Variants in IGLON5 observed in about 807,000 individuals in gnomAD.
IGLON5 encodes IgLON family member 5.
A neutral mutation model predicts 38.2 loss-of-function variants in IGLON5; 16 were observed. That is an observed-to-expected ratio of 0.42 (90% confidence interval 0.28 to 0.64). IGLON5 has a LOEUF of 0.64. Ranked by LOEUF, IGLON5 falls within the 30% of genes least tolerant of loss-of-function variation. IGLON5 has a pLI of 0.23. For missense variants in IGLON5, 366 were observed against 483.4 expected, an observed-to-expected ratio of 0.76 and a Z score of 2.28; for synonymous variants, 207 against 216.4, an observed-to-expected ratio of 0.96 and a Z score of 0.38.
In IGLON5 at chr19:51,327,087, G is replaced by T. The variant is rs766476387; in HGVS notation, c.654G>T (p.Pro218=). ...ACCCTTGCCCCTCGCCAGATCCTCC[G>T]ACCATCACGGACGTGACCAGCGCCC... ...RRVLVTVNYP[P]TITDVTSART... is the part of the protein sequence containing the mutation. Residue 218 remains proline, a synonymous_variant, in exon 6 of 8, where the codon CCG becomes CCT. Transcript: ENST00000270642. This position sits in a 1 kb window ranked among gnomAD's most constrained non-coding sequence, Gnocchi z 7.1. 3 of 1,605,666 alleles carry T rather than the reference G, an allele frequency of 1.9e-6. No homozygotes were observed. The highest frequency in any genetic ancestry group is 2.6e-6 in the Non-Finnish European group (3 of 1,175,146).
At chr19:51,316,196 AAAG>A (rs1984918728) in intron 1 of IGLON5, among the ~76,000 whole-genome samples, 1 of 150,840 alleles carries the variant, frequency 6.6e-6, no homozygotes, top group Non-Finnish European at 1.5e-5. Flanking sequence ...AAAAAAAAAA[AAAG>A]CCAGGCATGG....
rs566698459 is a variant in IGLON5 at position 51,324,010 on chromosome 19, G to C, written c.391+116G>C. The C allele has an allele frequency of 1.2e-4, 84 of 708,206 alleles. No individual in the cohort carries two copies. The East Asian group carries it at 2.3e-3, about 19-fold the overall frequency. 43.9% of individuals were successfully genotyped at this position (708,206 alleles called of 1,614,324 possible). ...CCAGGGATACATAGCGAGAAAGACAGACACAGCCTTGCCCTTGGGGATTTC... is the reference window on the plus strand; with the variant it reads ...CCAGGGATACATAGCGAGAAAGACACACACAGCCTTGCCCTTGGGGATTTC... On this transcript the variant is annotated intron_variant, in intron 3 of 7. Coordinates refer to ENST00000270642, the MANE Select transcript of IGLON5 (RefSeq NM_001101372.3). This position sits in a 1 kb window ranked among gnomAD's most constrained non-coding sequence, Gnocchi z 4.2.
chr19:51,326,714 GT>G, intron 4 of IGLON5, 49 bp from the exon 5 acceptor site: 1 of 1,477,518 alleles, frequency 6.8e-7, no homozygotes, highest in African/African-American at 1.4e-5. Context: ...GTTGTCCCGT[GT>G]TAAGTGTTTG....
Position 51,324,642 on chromosome 19 carries a change from TG to T in IGLON5, c.392-702del, listed in dbSNP as rs1375703422. 6.6e-6 allele frequency among the ~76,000 whole-genome samples: 1 copy of T among 152,130 alleles called. No homozygotes were observed. The highest frequency in any genetic ancestry group is 1.5e-5 in the Non-Finnish European group (1 of 68,038). ...CCGGGACTCCTTTGCAAAATGGGGA[TG>T]GTGCTGTCATATGTCAAATCCCAGA... On this transcript the variant is annotated intron_variant, in intron 3 of 7. Coordinates refer to ENST00000270642, the MANE Select transcript of IGLON5 (RefSeq NM_001101372.3). The surrounding 1 kb of genome is among the most constrained non-coding windows in gnomAD (Gnocchi z 4.2).
At position 51,325,636 on chromosome 19, in the gene IGLON5, A is replaced by C. The variant is rs946848153; in HGVS notation, c.511+171A>C. ...CCACAGACCACAAACCCCAGACCTA[A>C]GAGGCGTCACCACTGGCTTTCCACC... On this transcript the variant is annotated intron_variant, in intron 4 of 7. Coordinates refer to ENST00000270642, the MANE Select transcript of IGLON5 (RefSeq NM_001101372.3). The surrounding 1 kb of genome is among the most constrained non-coding windows in gnomAD (Gnocchi z 5.5). 6.6e-5 allele frequency among the ~76,000 whole-genome samples: 10 copies of C among 152,044 alleles called. No individual in the cohort carries two copies. The highest frequency in any genetic ancestry group is 1.3e-4 in the Non-Finnish European group (9 of 67,994).
chr19:51,315,688 CTTTTTTTTTTTT>C (rs756194855), intron 1 of IGLON5, among the ~76,000 whole-genome samples: 3,589 of 82,692 alleles, frequency 0.043, 145 homozygotes, highest in Middle Eastern at 0.23. Flanking sequence ...GGAAGTCAAC[CTTTTTTTTTTTT>C]TTTTTTTTTT....
At position 51,327,201 on chromosome 19, in the gene IGLON5, G is replaced by A. The variant is rs1312395850; in HGVS notation, c.767+1G>A. 1.2e-6 allele frequency: 2 copies of A among 1,611,030 alleles called. No individual in the cohort carries two copies. The highest frequency in any genetic ancestry group is 1.7e-6 in the Non-Finnish European group (2 of 1,179,050). On this transcript the variant is annotated splice_donor_variant, in intron 6 of 7. Transcript: ENST00000270642. LOFTEE classifies it high-confidence loss of function. This position sits in a 1 kb window ranked among gnomAD's most constrained non-coding sequence, Gnocchi z 7.1. ...TCCAGTGGTACAAGGATGACAGACT[G>A]TGAGGACAGCACTGAGGGGGCCGTG...
intron 1 of IGLON5, among the ~76,000 whole-genome samples, chr19:51,319,220 GA>G (rs1025083749): frequency 1.3e-5 from 2 of 152,130 alleles, no homozygotes; most frequent in Non-Finnish European, 2.9e-5. Context: ...GCGTACATGT[GA>G]CTCTTTGGCA....
chr19:51,320,984 C>T (rs1281745281), intron 1 of IGLON5, among the ~76,000 whole-genome samples: 1 of 151,776 alleles, frequency 6.6e-6, no homozygotes, highest in Non-Finnish European at 1.5e-5. Context: ...GTCTGTATAC[C>T]GTACCTATGA....
intron 3 of IGLON5, 55 bp downstream of exon 3, chr19:51,323,949 C>T: frequency 8.0e-7 from 1 of 1,253,496 alleles, no homozygotes; most frequent in Non-Finnish European, 1.1e-6. Context: ...GTGGGGGAGA[C>T]TAGGCATGAT....
At chr19:51,316,020 C>T (rs1340705880) in intron 1 of IGLON5, among the ~76,000 whole-genome samples, 2 of 151,548 alleles carry the variant, frequency 1.3e-5, no homozygotes, top group African/African-American at 2.4e-5. Context: ...AAGTTGACAG[C>T]AGAGGTAAAG....
At position 51,327,110 on chromosome 19, in the gene IGLON5, C is replaced by T. The variant is rs748972560; in HGVS notation, c.677C>T (p.Ala226Val). ...YPPTITDVTS[A>V]RTALGRAALL... Reference sequence around the variant, plus strand: ...CCGACCATCACGGACGTGACCAGCGCCCGCACCGCGCTGGGCCGGGCCGCC... The same window carrying T: ...CCGACCATCACGGACGTGACCAGCGTCCGCACCGCGCTGGGCCGGGCCGCC... Residue 226 changes from alanine (A) to valine (V), a missense_variant, in exon 6 of 8, where the codon GCC (alanine) becomes GTC (valine). Ala to Val is a moderately conservative substitution (Grantham distance 64, BLOSUM62 0). Transcript: ENST00000270642. The surrounding 1 kb of genome is among the most constrained non-coding windows in gnomAD (Gnocchi z 7.1). 5 of 1,610,692 alleles carry T rather than the reference C, an allele frequency of 3.1e-6. No homozygotes were observed. In the East Asian group the frequency reaches 8.9e-5, roughly 29 times the overall value.
chr19:51,328,884 AGAG>A lies in IGLON5; in HGVS notation c.*129_*131del, dbSNP rs1985280911. The A allele has an allele frequency of 2.4e-5, 14 of 583,744 alleles. No homozygotes were observed. Among genetic ancestry groups the A allele is most frequent in the South Asian group, 2.1e-4 (9 of 43,544 alleles). The allele number at this position is 583,744 out of a possible 1,614,324, so 36.2% of individuals were successfully genotyped here. On this transcript the variant is annotated 3_prime_UTR_variant, in exon 8 of 8. Coordinates refer to ENST00000270642, the MANE Select transcript of IGLON5 (RefSeq NM_001101372.3). Reference sequence around the variant, plus strand: ...GCTCTCGGCCACCAAGGAAGAAGAGAGAGGAGAAGAGGAGGAGGCAGAGGAAGA... The same window carrying A: ...GCTCTCGGCCACCAAGGAAGAAGAGAGAGAAGAGGAGGAGGCAGAGGAAGA...
chr19:51,328,949 G>A lies in IGLON5; in HGVS notation c.*190G>A, dbSNP rs888269761. 1.6e-5 allele frequency: 8 copies of A among 500,644 alleles called. No individual in the cohort carries two copies. Among genetic ancestry groups the A allele is most frequent in the African/African-American group, 8.0e-5 (4 of 49,918 alleles). 31.0% of individuals were successfully genotyped at this position (500,644 alleles called of 1,614,324 possible). Reference sequence around the variant, plus strand: ...AGAACCCATCACTGTGAGGGATAACGCAAAATTATGCATCTTTCTACAGCC... The same window carrying A: ...AGAACCCATCACTGTGAGGGATAACACAAAATTATGCATCTTTCTACAGCC... On this transcript the variant is annotated 3_prime_UTR_variant, in exon 8 of 8. Transcript: ENST00000270642.
chr19:51,312,050 C>T (rs538417253), intron 1 of IGLON5, 124 bp downstream of exon 1: 24 of 459,174 alleles, frequency 5.2e-5, no homozygotes, highest in Admixed American at 1.9e-4. Context: ...CCCCGGGACG[C>T]CGGGGTCTGG....
rs548008333 is a variant in IGLON5, at chr19:51,328,948, C to G, written c.*189C>G. ...GAGAACCCATCACTGTGAGGGATAA[C>G]GCAAAATTATGCATCTTTCTACAGC... On this transcript the variant is annotated 3_prime_UTR_variant, in exon 8 of 8. Transcript: ENST00000270642. The G allele has an allele frequency of 1.5e-4, 75 of 503,974 alleles. No individual in the cohort carries two copies. Among genetic ancestry groups the G allele is most frequent in the Non-Finnish European group, 2.1e-4 (59 of 284,146 alleles). 31.2% of individuals were successfully genotyped at this position (503,974 alleles called of 1,614,324 possible).
chr19:51,327,234 G>A lies in IGLON5; in HGVS notation c.767+34G>A, dbSNP rs1383899765. ...AGCACTGAGGGGGCCGTGGGAGCGG[G>A]AAGGGGAGGTCTTTAGTCCCTTCGA... is the stretch of plus-strand genomic sequence containing the variant. On this transcript the variant is annotated intron_variant, in intron 6 of 7. Transcript: ENST00000270642. This position sits in a 1 kb window ranked among gnomAD's most constrained non-coding sequence, Gnocchi z 7.1. The A allele has an allele frequency of 1.6e-5, 25 of 1,593,274 alleles. No homozygotes were observed. The highest frequency in any genetic ancestry group is 2.1e-5 in the Non-Finnish European group (24 of 1,168,068).
chr19:51,320,052 C>T (rs1267208189), intron 1 of IGLON5, among the ~76,000 whole-genome samples: 3 of 152,016 alleles, frequency 2.0e-5, no homozygotes, highest in Non-Finnish European at 4.4e-5. Context: ...TGTGTGCACG[C>T]GCGTGCACGC....
At chr19:51,321,624 GTA>G (rs1985057963) in intron 1 of IGLON5, among the ~76,000 whole-genome samples, 2 of 152,188 alleles carry the variant, frequency 1.3e-5, no homozygotes, top group Admixed American at 6.5e-5. Flanking sequence ...GTGTCTGCAT[GTA>G]TATGTTTGTA....
Sources: gnomAD v4.1 joint callset for allele counts (sites outside exome capture counted in the v4.1 genomes callset) on GRCh38, gnomAD v4.1.1 for gene constraint, Gnocchi (gnomAD v3.1) non-coding constraint, MANE v1.5 for transcripts, NCBI Gene and HGNC (gene_info 2026-07-23, HGNC 2026-07-21) for gene names.